DLG2: variants seen among roughly 807,000 people sequenced by gnomAD.
The protein encoded by DLG2 is discs large MAGUK scaffold protein 2.
DLG2 carries 45 observed loss-of-function variants against 132.5 expected under a neutral mutation model. The observed-to-expected ratio is 0.34, with a 90% CI of 0.27 to 0.44. DLG2 has a LOEUF of 0.44. Ranked by LOEUF, DLG2 falls within the 20% of genes least tolerant of loss-of-function variation. DLG2 has a pLI of 1.00. For synonymous variants in DLG2, 424 were observed against 419.6 expected (o/e 1.01, Z -0.13); for missense variants, 1,045 against 1,196.9 (o/e 0.87, Z 1.87).
chr11:84,461,666 A>C (rs1319254401), intron 7 of DLG2, among the ~76,000 whole-genome samples: 2 of 151,008 alleles, frequency 1.3e-5, no homozygotes, highest in Admixed American at 6.6e-5. Flanking sequence ...TTGGGTGAGA[A>C]TTTAGAAGTA....
chr11:84,817,623 G>A (rs1049255983), intron 6 of DLG2, among the ~76,000 whole-genome samples: 1 of 151,996 alleles, frequency 6.6e-6, no homozygotes, highest in African/African-American at 2.4e-5. Flanking sequence ...GTCTGGGAGA[G>A]AATGATCATA....
chr11:84,474,084 T>G (rs1200648126), intron 7 of DLG2, among the ~76,000 whole-genome samples: 2 of 152,122 alleles, frequency 1.3e-5, no homozygotes, highest in South Asian at 2.1e-4. Flanking sequence ...GAAAACCTCC[T>G]CTTTCATACT....
intron 8 of DLG2, among the ~76,000 whole-genome samples, chr11:84,185,161 C>G (rs1386348209): frequency 1.3e-5 from 2 of 152,036 alleles, no homozygotes; most frequent in East Asian, 3.9e-4. Context: ...TTACCCTGGG[C>G]AGTATGGCCA....
intron 6 of DLG2, among the ~76,000 whole-genome samples, chr11:84,987,698 G>C (rs960689879): frequency 1.3e-5 from 2 of 152,136 alleles, no homozygotes; most frequent in Non-Finnish European, 2.9e-5. Context: ...AACAGTGCTG[G>C]GATAATTGGC....
At chr11:85,430,086 C>T (rs191659700) in intron 3 of DLG2, among the ~76,000 whole-genome samples, 5,321 of 151,918 alleles carry the variant, frequency 0.035, 141 homozygotes, top group Admixed American at 0.051. Flanking sequence ...GAAACCATCA[C>T]TCTCAGCAAA....
intron 6 of DLG2, among the ~76,000 whole-genome samples, chr11:84,694,921 C>T (rs1210755726): frequency 2.0e-5 from 3 of 151,490 alleles, no homozygotes; most frequent in African/African-American, 7.3e-5. Context: ...TCCAAATTGT[C>T]TTCTGTATGC....
intron 19 of DLG2, among the ~76,000 whole-genome samples, chr11:83,625,115 A>T (rs559441880): frequency 1.3e-5 from 2 of 152,234 alleles, no homozygotes; most frequent in African/African-American, 4.8e-5. Flanking sequence ...TGCAATAAAA[A>T]TACCACTGTC....
chr11:84,310,345 A>G (rs1161416402), intron 7 of DLG2, among the ~76,000 whole-genome samples: 4 of 152,214 alleles, frequency 2.6e-5, no homozygotes, highest in Admixed American at 2.6e-4. Context: ...TACATCTTCA[A>G]AATGGAGATA....
intron 6 of DLG2, among the ~76,000 whole-genome samples, chr11:85,046,713 GTGTC>G (rs1421232096): frequency 1.3e-5 from 2 of 151,702 alleles, no homozygotes; most frequent in Non-Finnish European, 2.9e-5. Context: ...CAATTGATAG[GTGTC>G]TGTCTTTCTG....
intron 3 of DLG2, among the ~76,000 whole-genome samples, chr11:85,504,269 A>C (rs1408095966): frequency 6.6e-6 from 1 of 152,028 alleles, no homozygotes; most frequent in African/African-American, 2.4e-5. Flanking sequence ...TTGGTGTTTT[A>C]GTCATGAAGT....
chr11:83,904,612 G>T (rs986552025), intron 15 of DLG2, among the ~76,000 whole-genome samples: 6 of 152,020 alleles, frequency 3.9e-5, no homozygotes, highest in African/African-American at 1.2e-4. Context: ...ATAGTATACA[G>T]CCTTGAAAGA....
rs573636628 is a variant in DLG2 at position 85,050,651 on chromosome 11, G to C, written c.357+61010C>G. Among the ~76,000 whole-genome samples, 6 of 152,202 alleles carry C rather than the reference G, an allele frequency of 3.9e-5. No individual in the cohort carries two copies. The East Asian group carries it at 1.2e-3, about 29-fold the overall frequency. On this transcript the variant is annotated intron_variant, in intron 6 of 27. Coordinates refer to ENST00000376104, the MANE Select transcript of DLG2 (RefSeq NM_001142699.3). ...TTTTCTGAGCCCTCCTCTCAGAGAA[G>C]GCTGGTTTAAGACAAGAAAAAATCA... is the stretch of plus-strand genomic sequence containing the variant.
At chr11:84,476,451 A>G (rs1391126192) in intron 7 of DLG2, among the ~76,000 whole-genome samples, 2 of 152,152 alleles carry the variant, frequency 1.3e-5, no homozygotes, top group Non-Finnish European at 2.9e-5. Context: ...GCTCAGAAAA[A>G]TTAGAGATTA....
intron 6 of DLG2, among the ~76,000 whole-genome samples, chr11:84,663,494 G>T (rs541638246): frequency 2.0e-5 from 3 of 152,210 alleles, no homozygotes; most frequent in African/African-American, 7.2e-5. Flanking sequence ...TGCGTCTCCA[G>T]AGTAGACACA....
chr11:85,575,249 A>T (rs1333970420), intron 3 of DLG2, among the ~76,000 whole-genome samples: 1 of 151,870 alleles, frequency 6.6e-6, no homozygotes, highest in African/African-American at 2.4e-5. Flanking sequence ...ATCAGGACTG[A>T]TTGAGGTCAA....
intron 4 of DLG2, among the ~76,000 whole-genome samples, chr11:85,232,347 A>C (rs1329547257): frequency 6.6e-6 from 1 of 151,932 alleles, no homozygotes; most frequent in Non-Finnish European, 1.5e-5. Context: ...TTTGGAGTGA[A>C]ATTAGTCCAC....
At chr11:85,144,177 A>G (rs533872875) in intron 5 of DLG2, among the ~76,000 whole-genome samples, 124 of 151,854 alleles carry the variant, frequency 8.2e-4, no homozygotes, top group African/African-American at 2.8e-3. Context: ...TCATTATATA[A>G]TGTCCTTCTT....
At chr11:84,432,383 G>A (rs1229517015) in intron 7 of DLG2, among the ~76,000 whole-genome samples, 1 of 152,202 alleles carries the variant, frequency 6.6e-6, no homozygotes, top group Non-Finnish European at 1.5e-5. Flanking sequence ...GATGGGTTTT[G>A]TAGATTATAT....
chr11:83,906,271 A>T (rs1243237454), intron 15 of DLG2, among the ~76,000 whole-genome samples: 22,502 of 87,148 alleles, frequency 0.26, 2,798 homozygotes, highest in South Asian at 0.34. Context: ...ACACACACAC[A>T]CACACACACA....
Sources: gnomAD v4.1 joint callset for allele counts (sites outside exome capture counted in the v4.1 genomes callset) on GRCh38, gnomAD v4.1.1 for gene constraint, MANE v1.5 for transcripts, NCBI Gene and HGNC (gene_info 2026-07-23, HGNC 2026-07-21) for gene names.